The following CNTNAP2 variants were observed in gnomAD, a reference collection of about 807,000 sequenced individuals.
CNTNAP2 encodes contactin-associated protein-like 2.
A neutral mutation model predicts 155.2 loss-of-function variants in CNTNAP2; 98 were observed. The ratio of observed to expected loss-of-function variants is 0.63; its 90% CI spans 0.54 to 0.75. The LOEUF (loss-of-function observed/expected upper bound fraction) is 0.75. CNTNAP2 is among the 30% of genes least tolerant of loss of function. CNTNAP2 has a pLI of 0.00. For missense variants in CNTNAP2, 1,727 were observed against 1,688.1 expected (o/e 1.02, Z -0.40); for synonymous variants, 651 against 631.2 (o/e 1.03, Z -0.47).
At chr7:146,458,947 G>A (rs1327574686) in intron 1 of CNTNAP2, among the ~76,000 whole-genome samples, 1 of 151,986 alleles carries the variant, frequency 6.6e-6, no homozygotes, top group Non-Finnish European at 1.5e-5. Context: ...TATTGGTTTT[G>A]CTTCTCTGGA....
Position 147,132,453 on chromosome 7 carries a change from TG to T in CNTNAP2, c.1295del (p.Gly432ValfsTer11), listed in dbSNP as rs1801395870. 1 of 1,613,544 alleles carries T rather than the reference TG, an allele frequency of 6.2e-7. No individual in the cohort carries two copies. The highest frequency in any genetic ancestry group is 1.3e-5 in the African/African-American group (1 of 74,874). ...NVEIDLTESK[V>X]GVHINITQTK... is the part of the protein sequence containing the mutation. ...GAGATTGACCTCACTGAAAGCAAAGTGGGTGTTCACATCAACATCACACAGA... is the reference window on the plus strand; with the variant it reads ...GAGATTGACCTCACTGAAAGCAAAGTGGTGTTCACATCAACATCACACAGA... On this transcript the variant is annotated frameshift_variant, in exon 8 of 24. Transcript: ENST00000361727. LOFTEE classifies it high-confidence loss of function.
intron 3 of CNTNAP2, among the ~76,000 whole-genome samples, chr7:147,038,050 G>A (rs1799190184): frequency 6.6e-6 from 1 of 152,146 alleles, no homozygotes; most frequent in Non-Finnish European, 1.5e-5. Context: ...AGCTACTCAG[G>A]AGGCTAAGGT....
intron 1 of CNTNAP2, among the ~76,000 whole-genome samples, chr7:146,170,604 A>G (rs1173010899): frequency 1.3e-5 from 2 of 152,166 alleles, no homozygotes; most frequent in Non-Finnish European, 2.9e-5. Flanking sequence ...AAATATGAAA[A>G]TATTAAGAAA....
intron 13 of CNTNAP2, among the ~76,000 whole-genome samples, chr7:147,743,494 A>G (rs1160827261): frequency 6.6e-6 from 1 of 152,122 alleles, no homozygotes; most frequent in East Asian, 1.9e-4. Flanking sequence ...TTATCTTCCC[A>G]ATTAATGCTA....
intron 1 of CNTNAP2, among the ~76,000 whole-genome samples, chr7:146,510,290 G>A (rs1240776526): frequency 6.6e-6 from 1 of 152,332 alleles, no homozygotes; most frequent in East Asian, 1.9e-4. Context: ...ATGGGATTGT[G>A]TGCCTGCACT....
chr7:148,118,068 A>G (rs760389526), intron 15 of CNTNAP2, 50 bp from the exon 16 acceptor site: 1 of 1,593,268 alleles, frequency 6.3e-7, no homozygotes, highest in South Asian at 1.1e-5. Context: ...TTACATGACT[A>G]GGCTGATCAG....
chr7:146,447,688 A>G (rs1796421567), intron 1 of CNTNAP2, among the ~76,000 whole-genome samples: 2 of 151,988 alleles, frequency 1.3e-5, no homozygotes, highest in African/African-American at 4.8e-5. Flanking sequence ...TGATGAAGGA[A>G]TATTTCAGAT....
rs943844748 is a variant in CNTNAP2, at chr7:146,314,787, A to C, written c.97+197814A>C. ...GGAAGAAGGTGCAGAGAGTGCCCAC[A>C]GTCCTGCTTGAGCATTCAGAAGACG... On this transcript the variant is annotated intron_variant, in intron 1 of 23. Transcript: ENST00000361727. Among the ~76,000 whole-genome samples, 4 of 152,154 alleles carry C rather than the reference A, an allele frequency of 2.6e-5. No homozygotes were observed. In the South Asian group the frequency reaches 8.3e-4, roughly 32 times the overall value.
rs7780139 is a variant in CNTNAP2, at chr7:148,177,107, A to T, written c.3010+4629A>T. Among the ~76,000 whole-genome samples, 268 of 152,338 alleles carry T rather than the reference A, an allele frequency of 1.8e-3. 2 individuals carry two copies. Among genetic ancestry groups the T allele is most frequent in the African/African-American group, 6.3e-3 (261 of 41,576 alleles). ...AAAATAACATACCTATAGTAGAGGC[A>T]GCAATTTCTGTGTTTACTTTTCGTG... On this transcript the variant is annotated intron_variant, in intron 18 of 23. Coordinates refer to ENST00000361727, the MANE Select transcript of CNTNAP2 (RefSeq NM_014141.6).
At chr7:146,647,258 C>T (rs149530677) in intron 1 of CNTNAP2, among the ~76,000 whole-genome samples, 5 of 152,240 alleles carry the variant, frequency 3.3e-5, no homozygotes, top group East Asian at 3.9e-4. Context: ...GACTTTATCT[C>T]GAGCTCCTTT....
chr7:147,427,328 T>A (rs1528515), intron 10 of CNTNAP2, among the ~76,000 whole-genome samples: 120,524 of 152,014 alleles, frequency 0.79, 48,386 homozygotes, highest in African/African-American at 0.93. Context: ...TTCAAACCAC[T>A]GCAAAACAGA....
intron 1 of CNTNAP2, among the ~76,000 whole-genome samples, chr7:146,358,950 C>T (rs1224299617): frequency 1.3e-5 from 2 of 152,142 alleles, no homozygotes; most frequent in Admixed American, 6.5e-5. Flanking sequence ...AGGATGATGC[C>T]AACAATAAAG....
intron 9 of CNTNAP2, among the ~76,000 whole-genome samples, chr7:147,355,143 A>G (rs2116885771): frequency 6.6e-6 from 1 of 152,092 alleles, no homozygotes; most frequent in East Asian, 1.9e-4. Context: ...CATTGTTTCG[A>G]GTAAAGTGGA....
At chr7:146,155,685 C>CATTATTATTATT (rs58328058) in intron 1 of CNTNAP2, among the ~76,000 whole-genome samples, 6 of 146,752 alleles carry the variant, frequency 4.1e-5, no homozygotes, top group South Asian at 2.2e-4. Flanking sequence ...AAAACAATAT[C>CATTATTATTATT]ATTATTATTA....
chr7:147,614,264 A>T (rs1801242300), intron 12 of CNTNAP2, among the ~76,000 whole-genome samples: 2 of 152,168 alleles, frequency 1.3e-5, no homozygotes, highest in African/African-American at 4.8e-5. Context: ...CACACAAATT[A>T]TTGGGATTAT....
intron 15 of CNTNAP2, among the ~76,000 whole-genome samples, chr7:148,091,416 C>G (rs1175279706): frequency 6.6e-6 from 1 of 152,116 alleles, no homozygotes; most frequent in Non-Finnish European, 1.5e-5. Context: ...TTTACACCTT[C>G]CTTTTGGAAT....
intron 13 of CNTNAP2, among the ~76,000 whole-genome samples, chr7:147,725,808 T>C (rs1428131145): frequency 2.0e-5 from 3 of 152,078 alleles, no homozygotes; most frequent in African/African-American, 7.2e-5. Flanking sequence ...AAACCAGTTT[T>C]AGGAGCTTGA....
At chr7:147,511,186 GT>G (rs1405214203) in intron 11 of CNTNAP2, among the ~76,000 whole-genome samples, 1 of 151,946 alleles carries the variant, frequency 6.6e-6, no homozygotes, top group Non-Finnish European at 1.5e-5. Context: ...GTCCTTTGCA[GT>G]TTTTCGCCCC....
intron 3 of CNTNAP2, among the ~76,000 whole-genome samples, chr7:146,871,470 C>A (rs373851683): frequency 2.0e-4 from 31 of 152,000 alleles, no homozygotes; most frequent in African/African-American, 6.8e-4. Context: ...ATGGCGGTTG[C>A]AGTGAGCCTA....
Sources: allele counts gnomAD v4.1 joint callset (sites outside exome capture counted in the v4.1 genomes callset), GRCh38; gene constraint gnomAD v4.1.1; transcripts MANE v1.5; gene names NCBI Gene and HGNC (gene_info 2026-07-23, HGNC 2026-07-21).